Variants in TMEM74 observed in about 807,000 individuals in gnomAD.
TMEM74 encodes the protein transmembrane protein 74.
In TMEM74, 13 loss-of-function variants were observed where a neutral mutation model predicts 18.1. That is an observed-to-expected ratio of 0.72 (90% CI 0.47 to 1.14). The LOEUF (loss-of-function observed/expected upper bound fraction) is 1.14. TMEM74 is among the 50% of genes most tolerant of loss of function. The pLI, the probability that TMEM74 is intolerant of heterozygous loss-of-function variation, is 0.00. For synonymous variants in TMEM74, 159 were observed against 146.6 expected, an observed-to-expected ratio of 1.08 and a Z score of -0.61; for missense variants, 372 against 375.9, an observed-to-expected ratio of 0.99 and a Z score of 0.09.
At chr8:108,657,902 A>T (rs1235725657) in intron 1 of TMEM74, among the ~76,000 whole-genome samples, 6 of 121,752 alleles carry the variant, frequency 4.9e-5, no homozygotes, top group Non-Finnish European at 6.7e-5. Context: ...ATATATATAT[A>T]TTAATTACAT....
chr8:108,775,100 G>C (rs576530706), downstream of TMEM74, among the ~76,000 whole-genome samples: 1 of 152,112 alleles, frequency 6.6e-6, no homozygotes, highest in Non-Finnish European at 1.5e-5. Context: ...ATGGAACAAG[G>C]ACATGATAAC....
chr8:108,771,068 A>G (rs1814165887), intron 1 of TMEM74, among the ~76,000 whole-genome samples: 1 of 152,186 alleles, frequency 6.6e-6, no homozygotes, highest in Non-Finnish European at 1.5e-5. Flanking sequence ...TTATCCTCTT[A>G]TATTAACCTG....
At chr8:108,775,098 A>G (rs6469204), downstream of TMEM74, among the ~76,000 whole-genome samples, 63,620 of 152,020 alleles carry the variant, frequency 0.42, 14,231 homozygotes, top group African/African-American at 0.58. Context: ...TAATGGAACA[A>G]GGACATGATA....
intron 2 of TMEM74, among the ~76,000 whole-genome samples, chr8:108,611,245 G>C (rs1276997227): frequency 2.6e-5 from 4 of 152,070 alleles, no homozygotes; most frequent in African/African-American, 9.7e-5. Flanking sequence ...ATCTGCAGTA[G>C]GTGAAATTTC....
intron 1 of TMEM74, among the ~76,000 whole-genome samples, chr8:108,740,463 A>G (rs1438153792): frequency 6.6e-6 from 1 of 152,198 alleles, no homozygotes; most frequent in Non-Finnish European, 1.5e-5. Context: ...CGTGAATACC[A>G]GAAAGGGTGA....
chr8:108,715,467 A>G (rs79952730), intron 1 of TMEM74, among the ~76,000 whole-genome samples: 8,682 of 152,174 alleles, frequency 0.057, 385 homozygotes, highest in East Asian at 0.18. Flanking sequence ...CAGTTCTGCA[A>G]TGGGAAATTT....
chr8:108,702,642 T>C (rs141096963), intron 1 of TMEM74, among the ~76,000 whole-genome samples: 3,226 of 152,240 alleles, frequency 0.021, 50 homozygotes, highest in Admixed American at 0.05. Context: ...AAGGTACATG[T>C]GCACAACATG....
chr8:108,650,462 A>G lies in TMEM74; in HGVS notation n.264+4831T>C, dbSNP rs78498147. ...CCAAGCAAAAGCCAAAGTATTTGCA[A>G]TGGCCTATAAAACTCCATACCATTG... On this transcript the variant is annotated intron_variant and non_coding_transcript_variant, in intron 2 of 3. Transcript: ENST00000518838. Among the ~76,000 whole-genome samples the G allele has an allele frequency of 8.1e-3, 1,236 of 152,270 alleles. 19 individuals are homozygous for G. The highest frequency in any genetic ancestry group is 0.026 in the African/African-American group (1,091 of 41,552).
chr8:108,771,141 G>A (rs1226414481), intron 1 of TMEM74, among the ~76,000 whole-genome samples: 1 of 151,992 alleles, frequency 6.6e-6, no homozygotes, highest in Non-Finnish European at 1.5e-5. Context: ...ATTTTATTTT[G>A]TTTCCTCATT....
At chr8:108,698,167 A>G (rs1218234403) in intron 1 of TMEM74, among the ~76,000 whole-genome samples, 1 of 152,218 alleles carries the variant, frequency 6.6e-6, no homozygotes, top group Non-Finnish European at 1.5e-5. Context: ...TTCATTTTAC[A>G]AATAAAATAA....
At chr8:108,727,897 C>T (rs954658830) in intron 1 of TMEM74, among the ~76,000 whole-genome samples, 5 of 152,136 alleles carry the variant, frequency 3.3e-5, no homozygotes, top group African/African-American at 1.2e-4. Context: ...ATGTGGTGGC[C>T]TGGCATACAA....
intron 1 of TMEM74, among the ~76,000 whole-genome samples, chr8:108,684,197 T>A (rs1244072601): frequency 1.3e-5 from 2 of 152,162 alleles, no homozygotes; most frequent in African/African-American, 2.4e-5. Flanking sequence ...TTATAGTGGC[T>A]GCACTAGCTT....
chr8:108,731,674 A>G (rs1297238686), intron 1 of TMEM74, among the ~76,000 whole-genome samples: 2 of 152,160 alleles, frequency 1.3e-5, no homozygotes, highest in African/African-American at 4.8e-5. Flanking sequence ...TTCTTAACAG[A>G]GGTAGCTAGC....
At position 108,779,969 on chromosome 8, in the gene TMEM74, A is replaced by G. The variant is rs1267996030; in HGVS notation, c.*4212T>C. Among the ~76,000 whole-genome samples, 1 of 152,224 alleles carries G rather than the reference A, an allele frequency of 6.6e-6. No individual in the cohort carries two copies. The highest frequency in any genetic ancestry group is 1.5e-5 in the Non-Finnish European group (1 of 68,034). The stretch of plus-strand genomic sequence containing the variant: ...AATATTATGAACCAAAAACAGATAT[A>G]GCTAAAAATCAGCCAAAAGGAAATG... On this transcript the variant is annotated 3_prime_UTR_variant, in exon 2 of 2. Transcript: ENST00000297459.
intron 1 of TMEM74, among the ~76,000 whole-genome samples, chr8:108,763,506 C>T (rs531010248): frequency 9.9e-5 from 15 of 152,098 alleles, no homozygotes; most frequent in South Asian, 4.2e-4. Context: ...AAACAATTGA[C>T]GCTTGGCATT....
chr8:108,669,489 A>G (rs1046730900), intron 1 of TMEM74, among the ~76,000 whole-genome samples: 3 of 152,288 alleles, frequency 2.0e-5, no homozygotes, highest in East Asian at 1.9e-4. Context: ...TATATGCTGT[A>G]AGGAGTAGAA....
intron 1 of TMEM74, among the ~76,000 whole-genome samples, chr8:108,727,284 C>T (rs1813648436): frequency 6.6e-6 from 1 of 152,106 alleles, no homozygotes; most frequent in South Asian, 2.1e-4. Context: ...GGAGAACAAA[C>T]TATATAATTG....
chr8:108,740,603 G>A (rs934845504), intron 1 of TMEM74, among the ~76,000 whole-genome samples: 5 of 152,126 alleles, frequency 3.3e-5, no homozygotes, highest in South Asian at 2.1e-4. Context: ...TTCCACCACC[G>A]TGTGCTCACT....
At chr8:108,706,134 C>T (rs1036565884) in intron 1 of TMEM74, among the ~76,000 whole-genome samples, 4 of 152,190 alleles carry the variant, frequency 2.6e-5, no homozygotes, top group African/African-American at 9.7e-5. Flanking sequence ...AGCACAGTCT[C>T]ATCTTTCTTT....
Sources: gnomAD v4.1 joint callset for allele counts (sites outside exome capture counted in the v4.1 genomes callset) on GRCh38, gnomAD v4.1.1 for gene constraint, MANE v1.5 for transcripts, NCBI Gene and HGNC (gene_info 2026-07-23, HGNC 2026-07-21) for gene names.